The following MYPN variants were observed in gnomAD, a reference collection of about 807,000 sequenced individuals.
MYPN encodes the protein sarcomeric protein myopalladin, 145 kDa (MYOP).
MYPN carries 63 observed loss-of-function variants against 129.4 expected under a neutral mutation model. That is an observed-to-expected ratio of 0.49 (90% CI 0.40 to 0.60). MYPN has a LOEUF of 0.60. MYPN is among the 20% of genes least tolerant of loss of function. The pLI, the probability that MYPN is intolerant of heterozygous loss-of-function variation, is 0.00. For synonymous variants in MYPN, 629 were observed against 600.9 expected (o/e 1.05, Z -0.68); for missense variants, 1,596 against 1,635.4 (o/e 0.98, Z 0.42).
intron 1 of MYPN, among the ~76,000 whole-genome samples, chr10:68,118,877 TGAAGGAAGGAAGGAAGGAAGGAAG>T (rs10661735): frequency 1.2e-4 from 15 of 122,520 alleles, no homozygotes; most frequent in South Asian, 8.1e-4. Context: ...AAAAGAGTGA[TGAAGGAAGGAAGGAAGGAAGGAAG>T]GAAGGAAGGA....
chr10:68,204,013 T>C (rs2134322816), intron 18 of MYPN, among the ~76,000 whole-genome samples: 1 of 152,332 alleles, frequency 6.6e-6, no homozygotes, highest in East Asian at 1.9e-4. Context: ...CTAATGTCTG[T>C]TATCCCTTAA....
At chr10:68,124,660 C>CT (rs1467202137) in intron 2 of MYPN, among the ~76,000 whole-genome samples, 7 of 152,230 alleles carry the variant, frequency 4.6e-5, no homozygotes, top group African/African-American at 1.7e-4. Context: ...TTGTTTTTAC[C>CT]TTTGTGTCTT....
chr10:68,173,208 G>C (rs2043168870), intron 10 of MYPN, among the ~76,000 whole-genome samples: 4 of 152,232 alleles, frequency 2.6e-5, no homozygotes. Context: ...AAACCTCTCT[G>C]AGACACATCC....
At chr10:68,117,342 G>A (rs567507124) in intron 1 of MYPN, among the ~76,000 whole-genome samples, 6 of 151,996 alleles carry the variant, frequency 3.9e-5, no homozygotes, top group Non-Finnish European at 7.4e-5. Context: ...GTGCAGAGAC[G>A]ATGGTGTACA....
upstream of MYPN, chr10:68,106,532 C>T (rs1324494673): frequency 1.1e-5 from 7 of 636,164 alleles, no homozygotes; most frequent in Middle Eastern, 4.1e-4. Context: ...TTCAAAAATA[C>T]GGCATAGAGG....
chr10:68,151,840 T>G (rs1331427156), intron 6 of MYPN, among the ~76,000 whole-genome samples: 2 of 152,198 alleles, frequency 1.3e-5, no homozygotes, highest in East Asian at 3.8e-4. Context: ...CATCTATGTC[T>G]AGGAAAAGAG....
At chr10:68,104,935 C>A (rs1339868355), upstream of MYPN, among the ~76,000 whole-genome samples, 1 of 152,018 alleles carries the variant, frequency 6.6e-6, no homozygotes, top group African/African-American at 2.4e-5. Flanking sequence ...AGGCACGCAC[C>A]ACCACGCCCA....
At chr10:68,129,593 G>A (rs1005762463) in intron 2 of MYPN, among the ~76,000 whole-genome samples, 1 of 152,226 alleles carries the variant, frequency 6.6e-6, no homozygotes, top group Admixed American at 6.5e-5. Context: ...AGTGCGTTGG[G>A]CATAAAATTG....
At chr10:68,100,984 G>C (rs2041979174) in intron 1 of MYPN, among the ~76,000 whole-genome samples, 1 of 152,184 alleles carries the variant, frequency 6.6e-6, no homozygotes, top group African/African-American at 2.4e-5. Context: ...CCTGGCACAT[G>C]ATAAGTTTTC....
chr10:68,155,045 G>A (rs2634703), intron 6 of MYPN, among the ~76,000 whole-genome samples: 6,513 of 152,144 alleles, frequency 0.043, 328 homozygotes, highest in African/African-American at 0.12. Context: ...GCCGGGCATG[G>A]TGGCACTCGC....
intron 1 of MYPN, among the ~76,000 whole-genome samples, chr10:68,120,550 C>T (rs987301760): frequency 5.3e-5 from 8 of 152,126 alleles, no homozygotes; most frequent in African/African-American, 1.9e-4. Flanking sequence ...TTTTCAAGAA[C>T]AGGTTGAGCC....
intron 1 of MYPN, among the ~76,000 whole-genome samples, chr10:68,088,590 A>G (rs2041917128): frequency 6.6e-6 from 1 of 152,170 alleles, no homozygotes; most frequent in Non-Finnish European, 1.5e-5. Flanking sequence ...CTCCCATACT[A>G]GAATTCATTT....
chr10:68,099,506 G>A (rs781506173), intron 1 of MYPN, among the ~76,000 whole-genome samples: 8 of 152,086 alleles, frequency 5.3e-5, no homozygotes, highest in Non-Finnish European at 5.9e-5. Flanking sequence ...ATAGTGCCAC[G>A]CGCCTGTCAT....
intron 12 of MYPN, among the ~76,000 whole-genome samples, chr10:68,178,116 C>T (rs1486350108): frequency 6.6e-6 from 1 of 152,112 alleles, no homozygotes; most frequent in Non-Finnish European, 1.5e-5. Context: ...CAGTCTTTGC[C>T]TTTTAACTCA....
chr10:68,196,889 A>G (rs1008221887), intron 15 of MYPN, among the ~76,000 whole-genome samples: 1 of 152,134 alleles, frequency 6.6e-6, no homozygotes, highest in Admixed American at 6.6e-5. Flanking sequence ...AGTCATCTTT[A>G]ATGGTCTGCC....
intron 6 of MYPN, among the ~76,000 whole-genome samples, chr10:68,152,257 C>A (rs955296639): frequency 3.3e-5 from 5 of 152,018 alleles, no homozygotes; most frequent in Non-Finnish European, 5.9e-5. Context: ...TCTTATCAGA[C>A]TTAAAGAGTC....
At chr10:68,153,982 C>A (rs2042823786) in intron 6 of MYPN, among the ~76,000 whole-genome samples, 1 of 151,720 alleles carries the variant, frequency 6.6e-6, no homozygotes, top group Non-Finnish European at 1.5e-5. Flanking sequence ...CCTTCCTCTG[C>A]TGGTGACAGC....
chr10:68,100,796 C>A (rs1044367131), intron 1 of MYPN, among the ~76,000 whole-genome samples: 1 of 152,076 alleles, frequency 6.6e-6, no homozygotes, highest in Non-Finnish European at 1.5e-5. Context: ...ATCCATTGAG[C>A]CAAATGCACA....
At chr10:68,093,447 T>A (rs1329517770) in intron 1 of MYPN, among the ~76,000 whole-genome samples, 1 of 150,758 alleles carries the variant, frequency 6.6e-6, no homozygotes, top group South Asian at 2.1e-4. Context: ...ATTAAGAAAG[T>A]AAAGGAATAG....
Sources: allele counts gnomAD v4.1 joint callset (sites outside exome capture counted in the v4.1 genomes callset), GRCh38; gene constraint gnomAD v4.1.1; transcripts MANE v1.5; gene names NCBI Gene and HGNC (gene_info 2026-07-23, HGNC 2026-07-21).